Variants in PIP5KL1 observed in about 807,000 individuals in gnomAD.
The protein encoded by PIP5KL1 is phosphatidylinositol 4-phosphate 5-kinase-like protein 1.
In PIP5KL1, 45 loss-of-function variants were observed where a neutral mutation model predicts 47.6. That is an observed-to-expected ratio of 0.94 (90% CI 0.74 to 1.21). The LOEUF (loss-of-function observed/expected upper bound fraction) is 1.21. PIP5KL1 is among the 50% of genes most tolerant of loss of function. The pLI, the probability that PIP5KL1 is intolerant of heterozygous loss-of-function variation, is 0.00. For synonymous variants in PIP5KL1, 256 were observed against 234.6 expected (o/e 1.09, Z -0.84); for missense variants, 577 against 547.6 (o/e 1.05, Z -0.54).
At position 127,927,311 on chromosome 9, in the gene PIP5KL1, C is replaced by G. The variant is rs766892484; in HGVS notation, c.580G>C (p.Asp194His). ...GCTTCACCCACCTTCTTTCCCCGGT[C>G]CACCCGCAGACTGTGCACTCCTGGA... ...RLLGVHSLRV[D>H]RGKKTYFIVM... The change falls in exon 6 of 10, where the codon GAC becomes CAC. Residue 194 changes from aspartate (D) to histidine (H), a missense_variant. By Grantham distance (81) the Asp-to-His change is moderately conservative. Transcript: ENST00000388747. This position sits in a 1 kb window ranked among gnomAD's most constrained non-coding sequence, Gnocchi z 5.5. The G allele has an allele frequency of 3.7e-6, 6 of 1,610,534 alleles. No individual in the cohort carries two copies. In the East Asian group the frequency reaches 1.1e-4, roughly 30 times the overall value.
chr9:127,926,624 C>T (rs1261578956), intron 7 of PIP5KL1, among the ~76,000 whole-genome samples: 2 of 152,270 alleles, frequency 1.3e-5, no homozygotes, highest in East Asian at 3.8e-4. Context: ...CATTCACACT[C>T]AGGCCACTGG....
Position 127,927,919 on chromosome 9 carries a change from C to T in PIP5KL1, c.434+146G>A, listed in dbSNP as rs905137654. ...TCGGCCCTCGCCCTCCTCTCCTCCC[C>T]GATCTGTCCACCATCCGGCCCTGAC... On this transcript the variant is annotated intron_variant, in intron 4 of 9. Transcript: ENST00000388747. This position sits in a 1 kb window ranked among gnomAD's most constrained non-coding sequence, Gnocchi z 5.5. 17 of 1,463,648 alleles carry T rather than the reference C, an allele frequency of 1.2e-5. No homozygotes were observed. The highest frequency in any genetic ancestry group is 1.5e-5 in the Non-Finnish European group (17 of 1,099,810). The allele number at this position is 1,463,648 out of a possible 1,614,324, so 90.7% of individuals were successfully genotyped here.
In PIP5KL1 at chr9:127,921,147, C is replaced by T. The variant is rs1831275169; in HGVS notation, c.*700G>A. ...CCTGGTGATGTCTGTGAAGCCAAGACCTTGGTCGGACCACGGACCCTTGCC... is the reference window on the plus strand; with the variant it reads ...CCTGGTGATGTCTGTGAAGCCAAGATCTTGGTCGGACCACGGACCCTTGCC... On this transcript the variant is annotated 3_prime_UTR_variant, in exon 10 of 10. Coordinates refer to ENST00000388747, the MANE Select transcript of PIP5KL1 (RefSeq NM_001135219.2). The T allele has an allele frequency of 6.6e-6, 1 of 152,324 alleles. No homozygotes were observed. Among genetic ancestry groups the T allele is most frequent in the Non-Finnish European group, 1.5e-5 (1 of 68,136 alleles). The allele number at this position is 152,324 out of a possible 1,614,324, so 9.4% of individuals were successfully genotyped here. A position where few individuals can be genotyped will look rare whatever the true frequency, so the allele number is the denominator to read the frequency against.
chr9:127,923,892 C>T (rs985987616), intron 9 of PIP5KL1, among the ~76,000 whole-genome samples: 3 of 152,206 alleles, frequency 2.0e-5, no homozygotes, highest in African/African-American at 4.8e-5. Context: ...GTCTGCTTCC[C>T]GAGCCTCAGT....
Position 127,929,178 on chromosome 9 carries a change from G to A in PIP5KL1, c.228+510C>T, listed in dbSNP as rs528745017. On this transcript the variant is annotated intron_variant, in intron 2 of 9. Coordinates refer to ENST00000388747, the MANE Select transcript of PIP5KL1 (RefSeq NM_001135219.2). This position sits in a 1 kb window ranked among gnomAD's most constrained non-coding sequence, Gnocchi z 4.0. ...TCTCCAGGTCCCTGTGCCCGGATGTGGTCTGTGGAATGTGGTCCCACTGCG... is the reference window on the plus strand; with the variant it reads ...TCTCCAGGTCCCTGTGCCCGGATGTAGTCTGTGGAATGTGGTCCCACTGCG... 1.5e-4 allele frequency among the ~76,000 whole-genome samples: 23 copies of A among 152,276 alleles called. No individual in the cohort carries two copies. The highest frequency in any genetic ancestry group is 5.5e-4 in the African/African-American group (23 of 41,542).
intron 9 of PIP5KL1, among the ~76,000 whole-genome samples, chr9:127,924,454 G>A (rs571344610): frequency 6.8e-6 from 1 of 148,052 alleles, no homozygotes; most frequent in South Asian, 2.2e-4. Context: ...TCGCGCCACT[G>A]TACTCCAGCC....
chr9:127,922,823 G>A (rs1481939967), intron 9 of PIP5KL1, among the ~76,000 whole-genome samples: 1 of 152,074 alleles, frequency 6.6e-6, no homozygotes, highest in African/African-American at 2.4e-5. Context: ...GATGTATTGA[G>A]TAAATGAATT....
Position 127,929,906 on chromosome 9 carries a change from A to G in PIP5KL1, c.31-21T>C, listed in dbSNP as rs1831414581. 1 of 1,496,088 alleles carries G rather than the reference A, an allele frequency of 6.7e-7. No individual in the cohort carries two copies. The highest frequency in any genetic ancestry group is 8.9e-7 in the Non-Finnish European group (1 of 1,118,138). The allele number at this position is 1,496,088 out of a possible 1,614,324, so 92.7% of individuals were successfully genotyped here. A position where few individuals can be genotyped will look rare whatever the true frequency, so the allele number is the denominator to read the frequency against. On this transcript the variant is annotated intron_variant, in intron 1 of 9. Transcript: ENST00000388747. This position sits in a 1 kb window ranked among gnomAD's most constrained non-coding sequence, Gnocchi z 4.0. ...AGGACCTGGTGGGAGGAGGCACAGG[A>G]CACAGCCTGTGGCAGCGTCACAGAG...
chr9:127,924,445 C>A (rs924857950), intron 9 of PIP5KL1, among the ~76,000 whole-genome samples: 1 of 149,212 alleles, frequency 6.7e-6, no homozygotes, highest in South Asian at 2.1e-4. Flanking sequence ...GAGCCAAGAT[C>A]GCGCCACTGT....
chr9:127,929,381 G>C lies in PIP5KL1; in HGVS notation c.228+307C>G, dbSNP rs2131641847. On this transcript the variant is annotated intron_variant, in intron 2 of 9. Coordinates refer to ENST00000388747, the MANE Select transcript of PIP5KL1 (RefSeq NM_001135219.2). This position sits in a 1 kb window ranked among gnomAD's most constrained non-coding sequence, Gnocchi z 4.0. ...CCCTTTTCAACCATATACCCTGGCA[G>C]GGCTGGGAGGGCCTCAGAAACCAAG... Among the ~76,000 whole-genome samples the C allele has an allele frequency of 6.6e-6, 1 of 152,078 alleles. No homozygotes were observed. The highest frequency in any genetic ancestry group is 2.1e-4 in the South Asian group (1 of 4,796).
chr9:127,922,719 GAAAAAGA>G (rs1831305765), intron 9 of PIP5KL1, among the ~76,000 whole-genome samples: 2 of 126,988 alleles, frequency 1.6e-5, no homozygotes, highest in Non-Finnish European at 3.4e-5. Context: ...AAAGAAAAAA[GAAAAAGA>G]AAAAAGAAAA....
intron 8 of PIP5KL1, 170 bp from the exon 9 acceptor site, chr9:127,925,430 T>G (rs562892286): frequency 5.9e-6 from 4 of 678,132 alleles, no homozygotes; most frequent in Admixed American, 6.2e-5. Flanking sequence ...GAGCCTGAAT[T>G]TGAACTCTGC....
At position 127,926,111 on chromosome 9, in the gene PIP5KL1, C is replaced by T. The variant is rs181296976; in HGVS notation, c.651-132G>A. On this transcript the variant is annotated intron_variant, in intron 7 of 9. Transcript: ENST00000388747. Reference sequence around the variant, plus strand: ...TCCCCAGTCCTCAGCACAACCCTGGCCTGTCTTTTTCTCTTTCTTTCTTTC... The same window carrying T: ...TCCCCAGTCCTCAGCACAACCCTGGTCTGTCTTTTTCTCTTTCTTTCTTTC... 8.0e-6 allele frequency: 4 copies of T among 498,148 alleles called. No homozygotes were observed. In the Admixed American group the frequency reaches 1.2e-4, roughly 14 times the overall value. The allele number at this position is 498,148 out of a possible 1,614,324, so 30.9% of individuals were successfully genotyped here.
intron 2 of PIP5KL1, chr9:127,928,853 G>A (rs2131641359): frequency 3.7e-6 from 1 of 267,026 alleles, no homozygotes; most frequent in Non-Finnish European, 7.2e-6. Flanking sequence ...TGCAACCTGG[G>A]AGGGGCAAAA....
rs758507173 is a variant in PIP5KL1, at chr9:127,928,214, G to C, written c.285C>G (p.Phe95Leu). The C allele has an allele frequency of 1.3e-6, 2 of 1,536,228 alleles. No individual in the cohort carries two copies. Among genetic ancestry groups the C allele is most frequent in the Admixed American group, 2.1e-5 (1 of 46,872 alleles). Residue 95 changes from phenylalanine (F) to leucine (L), a missense_variant, in exon 4 of 10, where the codon TTC (phenylalanine) becomes TTG (leucine). Phe to Leu is a conservative substitution (Grantham distance 22, BLOSUM62 0). Transcript: ENST00000388747. ...SEVLTQVHEG[F>L]ELGTLAGPAF... is the part of the protein sequence containing the mutation. ...CGGGGCCGGCCAGCGTGCCCAGCTC[G>C]AAGCCCTGCAGGGGAGGAAGAGCCT... is the stretch of plus-strand genomic sequence containing the variant.
At chr9:127,925,348 A>T in intron 8 of PIP5KL1, 88 bp from the exon 9 acceptor site, 7 of 1,444,704 alleles carry the variant, frequency 4.8e-6, no homozygotes, top group Non-Finnish European at 6.5e-6. Flanking sequence ...AGCATGTGGC[A>T]TTACTGTCCC....
chr9:127,928,255 C>G (rs537071828), intron 3 of PIP5KL1, 36 bp from the exon 4 acceptor site: 23 of 1,527,400 alleles, frequency 1.5e-5, no homozygotes, highest in Middle Eastern at 3.4e-4. Context: ...GGAGTGTCTG[C>G]GTGGGCCCGG....
At chr9:127,922,715 AAAAG>A (rs1831305505) in intron 9 of PIP5KL1, among the ~76,000 whole-genome samples, 1 of 148,978 alleles carries the variant, frequency 6.7e-6, no homozygotes, top group Admixed American at 6.7e-5. Flanking sequence ...AAAAAAAGAA[AAAAG>A]AAAAAGAAAA....
In PIP5KL1 at chr9:127,925,244, C is replaced by A; in HGVS notation, c.780G>T (p.Trp260Cys). 1 of 1,613,258 alleles carries A rather than the reference C, an allele frequency of 6.2e-7. No homozygotes were observed. The highest frequency in any genetic ancestry group is 1.3e-5 in the African/African-American group (1 of 75,060). ...TATCCAGTTCCATCTGGCGGAGGAA[C>A]CAGCTCCGCTGGGGCCCTGCCGGAG... ...KTINLGPQRSWFLRQMELDTT... is the reference protein window; with the variant it reads ...KTINLGPQRSCFLRQMELDTT... The change falls in exon 9 of 10, where the codon TGG (tryptophan) becomes TGT (cysteine). Residue 260 changes from tryptophan to cysteine, a missense_variant. By Grantham distance (215) the Trp-to-Cys change is radical (BLOSUM62 -2). Transcript: ENST00000388747.
Sources: gnomAD v4.1 joint callset for allele counts (sites outside exome capture counted in the v4.1 genomes callset) on GRCh38, gnomAD v4.1.1 for gene constraint, Gnocchi (gnomAD v3.1) non-coding constraint, MANE v1.5 for transcripts, NCBI Gene and HGNC (gene_info 2026-07-23, HGNC 2026-07-21) for gene names.